AGBL1: variants seen among roughly 807,000 people sequenced by gnomAD.
AGBL1 encodes AGBL carboxypeptidase 1, also known as cytosolic carboxypeptidase 4.
A neutral mutation model predicts 118.9 loss-of-function variants in AGBL1; 130 were observed. That is an observed-to-expected ratio of 1.09 (90% CI 0.95 to 1.26). The LOEUF (loss-of-function observed/expected upper bound fraction) is 1.26. AGBL1 is among the 50% of genes most tolerant of loss of function. The probability of loss-of-function intolerance (pLI) is 0.00; values close to 1 mark genes in which losing one functional copy is unlikely to be tolerated. For missense variants in AGBL1, 1,584 were observed against 1,298.1 expected, an observed-to-expected ratio of 1.22 and a Z score of -3.38; for synonymous variants, 555 against 478.9, an observed-to-expected ratio of 1.16 and a Z score of -2.08.
chr15:86,636,702 C>CATTAT (rs2085092704), intron 21 of AGBL1, among the ~76,000 whole-genome samples: 1 of 26,760 alleles, frequency 3.7e-5, no homozygotes, highest in Non-Finnish European at 8.6e-5. Context: ...AACCACCAGT[C>CATTAT]ATATATATAT....
intron 5 of AGBL1, among the ~76,000 whole-genome samples, chr15:86,179,918 A>G (rs533581710): frequency 1.3e-5 from 2 of 152,322 alleles, no homozygotes; most frequent in Admixed American, 6.5e-5. Context: ...TTGGAAATAC[A>G]TCACTGAAAA....
chr15:86,788,314 C>A (rs1182931972), intron 22 of AGBL1, among the ~76,000 whole-genome samples: 1 of 152,176 alleles, frequency 6.6e-6, no homozygotes, highest in Non-Finnish European at 1.5e-5. Context: ...TCCTAGTAAA[C>A]ACATACTATA....
intron 17 of AGBL1, among the ~76,000 whole-genome samples, chr15:86,310,083 G>T (rs1384272937): frequency 2.0e-5 from 3 of 152,068 alleles, no homozygotes; most frequent in South Asian, 4.1e-4. Flanking sequence ...GGAGTTTTTT[G>T]ATTACAGATT....
At chr15:87,010,903 T>C (rs2081552818) in intron 24 of AGBL1, among the ~76,000 whole-genome samples, 4 of 152,180 alleles carry the variant, frequency 2.6e-5, no homozygotes, top group African/African-American at 9.7e-5. Context: ...ATTGATTCCA[T>C]CTCTGGAAAA....
intron 1 of AGBL1, among the ~76,000 whole-genome samples, chr15:86,113,613 C>T (rs1897574670): frequency 1.3e-5 from 2 of 152,096 alleles, no homozygotes; most frequent in Non-Finnish European, 2.9e-5. Flanking sequence ...ACCTGCCTTT[C>T]AGTCGAGCTA....
chr15:86,263,487 T>A (rs186542055), intron 10 of AGBL1, among the ~76,000 whole-genome samples: 1 of 152,360 alleles, frequency 6.6e-6, no homozygotes, highest in African/African-American at 2.4e-5. Context: ...AAGGTACACA[T>A]CACTGCCTAT....
chr15:86,445,397 G>A (rs987728796), intron 18 of AGBL1, among the ~76,000 whole-genome samples: 2 of 152,246 alleles, frequency 1.3e-5, no homozygotes, highest in Non-Finnish European at 2.9e-5. Flanking sequence ...CAAAGCAGGA[G>A]CAGCCCTCAG....
chr15:86,826,417 T>G (rs1364736997), intron 22 of AGBL1, among the ~76,000 whole-genome samples: 3 of 152,124 alleles, frequency 2.0e-5, no homozygotes, highest in Non-Finnish European at 4.4e-5. Context: ...ATTGATTTAT[T>G]ACACGACATC....
At chr15:86,454,737 C>T (rs529796757) in intron 18 of AGBL1, among the ~76,000 whole-genome samples, 2 of 152,100 alleles carry the variant, frequency 1.3e-5, no homozygotes, top group African/African-American at 2.4e-5. Flanking sequence ...AGGGTTGGGG[C>T]TATTGACTGC....
At chr15:86,348,505 C>T (rs965395606) in intron 17 of AGBL1, among the ~76,000 whole-genome samples, 9 of 152,180 alleles carry the variant, frequency 5.9e-5, no homozygotes, top group Non-Finnish European at 8.8e-5. Context: ...GAGGGCCAGG[C>T]GCCGTGGCTT....
chr15:87,026,713 A>G (rs958764173), intron 24 of AGBL1, among the ~76,000 whole-genome samples: 9 of 152,118 alleles, frequency 5.9e-5, no homozygotes, highest in South Asian at 2.1e-4. Flanking sequence ...ACAATTTGCA[A>G]TTGCAAAAAT....
At chr15:86,200,650 CT>C (rs2077892808) in intron 5 of AGBL1, among the ~76,000 whole-genome samples, 1 of 139,200 alleles carries the variant, frequency 7.2e-6, no homozygotes. Context: ...GAGTCTCGCT[CT>C]TGTCACCCAG....
intron 1 of AGBL1, among the ~76,000 whole-genome samples, chr15:86,097,474 G>A (rs1292283496): frequency 6.6e-6 from 1 of 150,948 alleles, no homozygotes; most frequent in Non-Finnish European, 1.5e-5. Flanking sequence ...CACATTGACT[G>A]CCACACACCC....
chr15:86,877,207 C>T (rs1190838432), intron 22 of AGBL1, among the ~76,000 whole-genome samples: 1 of 152,136 alleles, frequency 6.6e-6, no homozygotes, highest in Non-Finnish European at 1.5e-5. Context: ...CTAGCTCATT[C>T]TTCTGCAGGC....
At chr15:86,961,067 A>G (rs111399221) in intron 23 of AGBL1, among the ~76,000 whole-genome samples, 6 of 152,072 alleles carry the variant, frequency 3.9e-5, no homozygotes, top group Non-Finnish European at 7.4e-5. Flanking sequence ...ATTTGCTAAA[A>G]AAGTAGATTT....
At position 86,969,067 on chromosome 15, in the gene AGBL1, C is replaced by A. The variant is rs530181868; in HGVS notation, c.3222-18920C>A. On this transcript the variant is annotated intron_variant, in intron 23 of 24. Coordinates refer to the AGBL1 transcript ENST00000441037. Reference sequence around the variant, plus strand: ...TCATAGTACTCTGCCCATGGCCTCCCAAAATTTATGTCCTTCTCATATGCA... The same window carrying A: ...TCATAGTACTCTGCCCATGGCCTCCAAAAATTTATGTCCTTCTCATATGCA... 2.0e-5 allele frequency among the ~76,000 whole-genome samples: 3 copies of A among 152,062 alleles called. No individual in the cohort carries two copies. The South Asian group carries it at 6.2e-4, about 32-fold the overall frequency.
At chr15:86,308,597 TG>T (rs1173961521) in intron 17 of AGBL1, among the ~76,000 whole-genome samples, 8 of 152,256 alleles carry the variant, frequency 5.3e-5, no homozygotes, top group African/African-American at 1.9e-4. Context: ...AGTTGATTTT[TG>T]TATATGGTGT....
intron 17 of AGBL1, among the ~76,000 whole-genome samples, chr15:86,305,726 T>G (rs546998484): frequency 6.6e-6 from 1 of 152,250 alleles, no homozygotes; most frequent in East Asian, 1.9e-4. Context: ...CACACACACA[T>G]GCACACTCAC....
At chr15:87,009,998 A>T (rs1276653733) in intron 24 of AGBL1, among the ~76,000 whole-genome samples, 1 of 152,144 alleles carries the variant, frequency 6.6e-6, no homozygotes, top group African/African-American at 2.4e-5. Flanking sequence ...TGGACTATTG[A>T]GTTAATGCTG....
Sources: gnomAD v4.1 joint callset for allele counts (sites outside exome capture counted in the v4.1 genomes callset) on GRCh38, gnomAD v4.1.1 for gene constraint, MANE v1.5 for transcripts, NCBI Gene and HGNC (gene_info 2026-07-23, HGNC 2026-07-21) for gene names.